Variants in ZNF761 observed in about 807,000 individuals in gnomAD.
The protein encoded by ZNF761 is zinc finger protein 761.
In ZNF761, 43 loss-of-function variants were observed where a neutral mutation model predicts 59.9. The ratio of observed to expected loss-of-function variants is 0.72; its 90% confidence interval spans 0.56 to 0.92. The LOEUF is 0.92. Ranked by LOEUF, ZNF761 falls within the 40% of genes least tolerant of loss-of-function variation. The pLI, the probability that ZNF761 is intolerant of heterozygous loss-of-function variation, is 0.00. For synonymous variants in ZNF761, 294 were observed against 304.8 expected (o/e 0.96, Z 0.37); for missense variants, 850 against 906.1 (o/e 0.94, Z 0.79).
chr19:53,455,554 T>A lies in ZNF761; in HGVS notation c.1047T>A (p.Thr349=). ...TTACACGCCATCATCGACTTCATAC[T>A]GGAGAGAAACCTTACAAGTGTAATG... ...SILTRHHRLH[T]GEKPYKCNEC... Residue 349 remains threonine, a synonymous_variant, in exon 5 of 5, where the codon ACT becomes ACA. Transcript: ENST00000684525. 6.2e-7 allele frequency: 1 copy of A among 1,613,092 alleles called. No individual in the cohort carries two copies. The highest frequency in any genetic ancestry group is 8.5e-7 in the Non-Finnish European group (1 of 1,179,536).
intron 1 of ZNF761, among the ~76,000 whole-genome samples, chr19:53,433,208 A>G (rs1052695770): frequency 1.5e-4 from 23 of 152,306 alleles, no homozygotes; most frequent in African/African-American, 5.5e-4. Context: ...AAAGCTGAGC[A>G]TTTCAACAAA....
chr19:53,434,295 T>G (rs1325724014), intron 1 of ZNF761, among the ~76,000 whole-genome samples: 2 of 152,336 alleles, frequency 1.3e-5, no homozygotes, highest in Middle Eastern at 3.4e-3. Flanking sequence ...TTTTGTTTTT[T>G]TCTTTAATTT....
chr19:53,439,788 T>C (rs1055206307), intron 1 of ZNF761, among the ~76,000 whole-genome samples: 2 of 152,160 alleles, frequency 1.3e-5, no homozygotes, highest in Admixed American at 1.3e-4. Flanking sequence ...GGCATTGGAC[T>C]AAAATCTTAT....
In ZNF761 at chr19:53,457,980, ATGTT is replaced by A. The variant is rs1264716333; in HGVS notation, c.*1236_*1239del. 1 of 152,486 alleles carries A rather than the reference ATGTT, an allele frequency of 6.6e-6. No homozygotes were observed. Among genetic ancestry groups the A allele is most frequent in the African/African-American group, 2.4e-5 (1 of 41,458 alleles). 9.4% of individuals were successfully genotyped at this position (152,486 alleles called of 1,614,324 possible). A position where few individuals can be genotyped will look rare whatever the true frequency, so the allele number is the denominator to read the frequency against. Reference sequence around the variant, plus strand: ...TCAATGTTTTTAATCATTTTGATCAATGTTTGTAGATTTCAAGGTACAAACTTCT... The same window carrying A: ...TCAATGTTTTTAATCATTTTGATCAATGTAGATTTCAAGGTACAAACTTCT... On this transcript the variant is annotated 3_prime_UTR_variant, in exon 5 of 5. Transcript: ENST00000684525.
At position 53,455,649 on chromosome 19, in the gene ZNF761, C is replaced by A; in HGVS notation, c.1142C>A (p.Pro381His). The A allele has an allele frequency of 3.7e-6, 6 of 1,613,610 alleles. No homozygotes were observed. The highest frequency in any genetic ancestry group is 5.1e-6 in the Non-Finnish European group (6 of 1,179,908). ...CHHRLHTGEK[P>H]YKCNECGKTF... ...CATAGACTTCATACTGGAGAGAAAC[C>A]CTACAAATGTAATGAGTGTGGCAAG... The change falls in exon 5 of 5, where the codon CCC becomes CAC. Residue 381 changes from proline (P) to histidine (H), a missense_variant. Physicochemically the swap from Pro to His is moderately conservative, Grantham distance 77. Coordinates refer to ENST00000684525, the MANE Select transcript of ZNF761 (RefSeq NM_001289951.2).
intron 1 of ZNF761, among the ~76,000 whole-genome samples, chr19:53,438,620 G>C (rs1296504192): frequency 6.6e-6 from 1 of 152,142 alleles, no homozygotes; most frequent in Non-Finnish European, 1.5e-5. Context: ...TTAGCCATCA[G>C]TGAAAAACTT....
At chr19:53,449,037 A>G (rs2086190389) in intron 3 of ZNF761, among the ~76,000 whole-genome samples, 1 of 152,192 alleles carries the variant, frequency 6.6e-6, no homozygotes, top group Admixed American at 6.5e-5. Flanking sequence ...TGCTGTGTCA[A>G]TAAAAGTTTC....
At chr19:53,439,002 G>A (rs993183913) in intron 1 of ZNF761, among the ~76,000 whole-genome samples, 1 of 152,110 alleles carries the variant, frequency 6.6e-6, no homozygotes, top group African/African-American at 2.4e-5. Flanking sequence ...AACGGGGCAT[G>A]GTGGTTTGCG....
At chr19:53,453,714 A>G (rs1379251800) in intron 4 of ZNF761, among the ~76,000 whole-genome samples, 3 of 152,152 alleles carry the variant, frequency 2.0e-5, no homozygotes, top group East Asian at 3.9e-4. Flanking sequence ...TATTTCTACT[A>G]AAAATACAAA....
At chr19:53,451,608 A>C (rs2086222351) in intron 4 of ZNF761, among the ~76,000 whole-genome samples, 1 of 151,468 alleles carries the variant, frequency 6.6e-6, no homozygotes, top group South Asian at 2.1e-4. Context: ...TTTAAGATGG[A>C]GTCTCGGTCT....
chr19:53,449,141 C>G (rs1249653499), intron 3 of ZNF761, among the ~76,000 whole-genome samples: 15,880 of 151,950 alleles, frequency 0.1, 1,382 homozygotes, highest in African/African-American at 0.23. Flanking sequence ...ACCAACCTGG[C>G]TATTACGGTG....
chr19:53,454,966 A>C lies in ZNF761; in HGVS notation c.459A>C (p.Ile153=). 6.2e-7 allele frequency: 1 copy of C among 1,614,170 alleles called. No individual in the cohort carries two copies. The part of the protein sequence containing the change: ...SFHSHLPEMH[I]FQTEEKIDNQ... ...ATTCGCATCTGCCTGAAATGCACAT[A>C]TTTCAGACCGAAGAGAAAATTGATA... is the stretch of plus-strand genomic sequence containing the variant. The change falls in exon 5 of 5, where the codon ATA becomes ATC. Residue 153 remains isoleucine (I), a synonymous_variant. Transcript: ENST00000684525.
At chr19:53,452,346 G>C (rs2086229129) in intron 4 of ZNF761, among the ~76,000 whole-genome samples, 1 of 152,190 alleles carries the variant, frequency 6.6e-6, no homozygotes, top group Non-Finnish European at 1.5e-5. Context: ...AGCTGGGCAT[G>C]CTGGCGCATG....
chr19:53,457,370 A>G lies in ZNF761; in HGVS notation c.*622A>G, dbSNP rs1471396984. On this transcript the variant is annotated 3_prime_UTR_variant, in exon 5 of 5. Transcript: ENST00000684525. ...AAGGTCTTCAGTCAAGCTTCATCCT[A>G]TGCAAAACATAGGAGAATTCATACA... The G allele has an allele frequency of 1.2e-4, 46 of 399,568 alleles. No individual in the cohort carries two copies. Among genetic ancestry groups the G allele is most frequent in the Non-Finnish European group, 5.0e-6 (1 of 198,810 alleles). The allele number at this position is 399,568 out of a possible 1,614,324, so 24.8% of individuals were successfully genotyped here.
intron 4 of ZNF761, 131 bp downstream of exon 4, chr19:53,449,769 G>A (rs7247856): frequency 0.35 from 505,482 of 1,440,994 alleles, 96,352 homozygotes; most frequent in African/African-American, 0.51. Context: ...GCTCACTGCA[G>A]TCTTGAATTC....
rs558452884 is a variant in ZNF761 at position 53,451,613 on chromosome 19, C to T, written c.142+1975C>T. ...CTTTCTTTTTTTTAAGATGGAGTCTCGGTCTGTCACCCAGGCTGGAGTGCG... is the reference window on the plus strand; with the variant it reads ...CTTTCTTTTTTTTAAGATGGAGTCTTGGTCTGTCACCCAGGCTGGAGTGCG... On this transcript the variant is annotated intron_variant, in intron 4 of 4. Transcript: ENST00000684525. 5.9e-5 allele frequency among the ~76,000 whole-genome samples: 9 copies of T among 151,974 alleles called. No individual in the cohort carries two copies. The South Asian group carries it at 1.5e-3, about 25-fold the overall frequency.
chr19:53,435,268 G>A (rs1281259051), intron 1 of ZNF761, among the ~76,000 whole-genome samples: 7 of 138,614 alleles, frequency 5.0e-5, no homozygotes, highest in East Asian at 2.1e-4. Flanking sequence ...TGAGTAGGTC[G>A]TCTGGCTATA....
At position 53,449,601 on chromosome 19, in the gene ZNF761, C is replaced by CG; in HGVS notation, c.106dup (p.Val36GlyfsTer7). The stretch of plus-strand genomic sequence containing the variant: ...CTGCTCAGAGGACTCTATACAGGGA[C>CG]GTGATGCTGGAGAATTATAGGAACC... On this transcript the variant is annotated frameshift_variant, in exon 4 of 5. Transcript: ENST00000684525. LOFTEE classifies it high-confidence loss of function. 6.2e-7 allele frequency: 1 copy of CG among 1,611,420 alleles called. No homozygotes were observed. The highest frequency in any genetic ancestry group is 8.5e-7 in the Non-Finnish European group (1 of 1,178,824).
intron 1 of ZNF761, chr19:53,442,310 A>G (rs796400836): frequency 7.4e-5 from 93 of 1,250,502 alleles, no homozygotes; most frequent in Admixed American, 3.2e-4. Context: ...CTGAGCTGGC[A>G]GAGTCCCGTT....
Sources: allele counts gnomAD v4.1 joint callset (sites outside exome capture counted in the v4.1 genomes callset), GRCh38; gene constraint gnomAD v4.1.1; transcripts MANE v1.5; gene names NCBI Gene and HGNC (gene_info 2026-07-23, HGNC 2026-07-21).